The following FHOD3 variants were observed in gnomAD, a reference collection of about 807,000 sequenced individuals.
FHOD3 encodes the protein formin homology 2 domain containing 3.
A neutral mutation model predicts 173.0 loss-of-function variants in FHOD3; 90 were observed. The ratio of observed to expected loss-of-function variants is 0.52; its 90% CI spans 0.44 to 0.62. The LOEUF (loss-of-function observed/expected upper bound fraction) is 0.62. Among genes scored for constraint, FHOD3 ranks in the 20% least tolerant of loss-of-function variants. FHOD3 has a pLI of 0.00. For synonymous variants in FHOD3, 828 were observed against 823.0 expected (o/e 1.01, Z -0.10); for missense variants, 1,945 against 2,034.7 (o/e 0.96, Z 0.85).
chr18:36,331,497 CAG>C (rs902695743), intron 1 of FHOD3, among the ~76,000 whole-genome samples: 1 of 152,152 alleles, frequency 6.6e-6, no homozygotes, highest in Admixed American at 6.5e-5. Context: ...TGGAGCCAGT[CAG>C]GAGTGAGAAA....
chr18:36,653,407 C>T lies in FHOD3; in HGVS notation c.1712C>T (p.Ser571Phe), dbSNP rs1373073384. ...GAGCCTTACCACTTCCGATCTTTCTCTTCTAATAGGTGGGTGTCTTTATTT... is the reference window on the plus strand; with the variant it reads ...GAGCCTTACCACTTCCGATCTTTCTTTTCTAATAGGTGGGTGTCTTTATTT... Reference protein sequence around the residue: ...ASEPYHFRSFSSNRYSNFGNN... With the variant: ...ASEPYHFRSFFSNRYSNFGNN... Residue 571 changes from serine (S) to phenylalanine (F), a missense_variant, in exon 13 of 29, where the codon TCT (serine) becomes TTT (phenylalanine). Physicochemically the swap from Ser to Phe is radical, Grantham distance 155 (BLOSUM62 -2). Coordinates refer to ENST00000590592, the MANE Select transcript of FHOD3 (RefSeq NM_001281740.3). The T allele has an allele frequency of 2.0e-6, 3 of 1,531,450 alleles. No homozygotes were observed. The East Asian group carries it at 7.3e-5, about 37-fold the overall frequency. 94.9% of individuals were successfully genotyped at this position (1,531,450 alleles called of 1,614,324 possible).
intron 23 of FHOD3, among the ~76,000 whole-genome samples, chr18:36,745,273 C>T (rs1221757804): frequency 6.6e-6 from 1 of 152,198 alleles, no homozygotes; most frequent in Non-Finnish European, 1.5e-5. Context: ...TTCTAAGCCT[C>T]ATTGTATCAT....
intron 17 of FHOD3, among the ~76,000 whole-genome samples, chr18:36,705,946 A>AGT (rs2039852026): frequency 8.7e-6 from 1 of 115,478 alleles, no homozygotes; most frequent in African/African-American, 3.6e-5. Flanking sequence ...CTCAGAAGGA[A>AGT]CTGTGTGTGT....
At chr18:36,653,042 C>T in intron 12 of FHOD3, 113 bp downstream of exon 12, 1 of 1,369,646 alleles carries the variant, frequency 7.3e-7, no homozygotes, top group Non-Finnish European at 9.6e-7. Context: ...GATTTCAGCC[C>T]AAGCAGGGAG....
At position 36,587,009 on chromosome 18, in the gene FHOD3, A is replaced by G. The variant is rs115696593; in HGVS notation, c.607-7778A>G. On this transcript the variant is annotated intron_variant, in intron 6 of 28. Transcript: ENST00000590592. ...GCAGTACAGGCTTTATTCGATGGCCATGGAATTGAGAAGTGGAAGCGTGGT... is the reference window on the plus strand; with the variant it reads ...GCAGTACAGGCTTTATTCGATGGCCGTGGAATTGAGAAGTGGAAGCGTGGT... 6.5e-3 allele frequency among the ~76,000 whole-genome samples: 984 copies of G among 152,226 alleles called. 11 individuals are homozygous for G. Among genetic ancestry groups the G allele is most frequent in the African/African-American group, 0.023 (941 of 41,544 alleles).
chr18:36,497,404 G>A (rs551413816), intron 3 of FHOD3, among the ~76,000 whole-genome samples: 3 of 152,236 alleles, frequency 2.0e-5, no homozygotes, highest in Admixed American at 6.5e-5. Flanking sequence ...TTGTGATGTC[G>A]CAGAGGTTAA....
intron 28 of FHOD3, among the ~76,000 whole-genome samples, chr18:36,773,893 G>GC (rs1176043056): frequency 6.6e-6 from 1 of 152,206 alleles, no homozygotes; most frequent in East Asian, 1.9e-4. Flanking sequence ...TGCATTGTCA[G>GC]CATAGCACTT....
intron 3 of FHOD3, among the ~76,000 whole-genome samples, chr18:36,393,975 T>C (rs1284504175): frequency 6.6e-6 from 1 of 152,068 alleles, no homozygotes; most frequent in East Asian, 1.9e-4. Context: ...CTTAGAAGGG[T>C]TTATTTAAAT....
intron 3 of FHOD3, among the ~76,000 whole-genome samples, chr18:36,406,648 G>A (rs73418959): frequency 0.22 from 33,738 of 152,134 alleles, 4,281 homozygotes; most frequent in East Asian, 0.67. Flanking sequence ...GAGATGAGCT[G>A]CCCTTGGGGA....
At chr18:36,743,110 C>T (rs1600513826) in intron 22 of FHOD3, among the ~76,000 whole-genome samples, 1 of 98 alleles carries the variant, frequency 0.01, no homozygotes, top group Admixed American at 0.083. Flanking sequence ...GGAGATCGAG[C>T]CATCCTGGCT....
chr18:36,735,185 C>A (rs570322835), intron 20 of FHOD3, among the ~76,000 whole-genome samples: 3 of 152,212 alleles, frequency 2.0e-5, no homozygotes, highest in Admixed American at 2.0e-4. Flanking sequence ...AACTTGGCTG[C>A]CAGTCCAATC....
At chr18:36,365,614 CTA>C (rs2046861861) in intron 2 of FHOD3, among the ~76,000 whole-genome samples, 2 of 152,178 alleles carry the variant, frequency 1.3e-5, no homozygotes, top group South Asian at 4.2e-4. Flanking sequence ...CTGTATAACT[CTA>C]TGAAGATACT....
At chr18:36,776,417 C>T (rs996808131) in intron 28 of FHOD3, among the ~76,000 whole-genome samples, 2 of 152,140 alleles carry the variant, frequency 1.3e-5, no homozygotes, top group Non-Finnish European at 1.5e-5. Context: ...GGGCTCTTGT[C>T]GCGTGTGACT....
intron 1 of FHOD3, among the ~76,000 whole-genome samples, chr18:36,310,034 CTGT>C (rs772928332): frequency 1.3e-5 from 2 of 152,210 alleles, no homozygotes; most frequent in Non-Finnish European, 2.9e-5. Context: ...CACATGGCTT[CTGT>C]TGTTCCGCCT....
At chr18:36,482,420 C>G (rs974042311) in intron 3 of FHOD3, among the ~76,000 whole-genome samples, 12 of 151,258 alleles carry the variant, frequency 7.9e-5, no homozygotes, top group African/African-American at 2.9e-4. Context: ...TATATGAGGA[C>G]AAGGGGAGAA....
intron 5 of FHOD3, among the ~76,000 whole-genome samples, chr18:36,531,319 G>T (rs1240399676): frequency 6.6e-6 from 1 of 152,234 alleles, no homozygotes; most frequent in East Asian, 1.9e-4. Context: ...ACCCACCCCT[G>T]CTCCCTCCCG....
intron 25 of FHOD3, 147 bp downstream of exon 25, chr18:36,755,458 T>C: frequency 1.7e-6 from 1 of 602,774 alleles, no homozygotes; most frequent in Non-Finnish European, 2.6e-6. Flanking sequence ...TAAAAAGTGC[T>C]CTTAAAGTAC....
At chr18:36,676,813 A>C (rs528284983) in intron 14 of FHOD3, among the ~76,000 whole-genome samples, 20 of 152,266 alleles carry the variant, frequency 1.3e-4, no homozygotes, top group African/African-American at 4.8e-4. Context: ...GGCCATTTAA[A>C]ATGCTCATTA....
At chr18:36,485,143 C>G (rs2054128803) in intron 3 of FHOD3, among the ~76,000 whole-genome samples, 1 of 21,096 alleles carries the variant, frequency 4.7e-5, no homozygotes, top group South Asian at 2.7e-3. Flanking sequence ...GTGAATGTAT[C>G]TTAAGTTCCC....
Sources: gnomAD v4.1 joint callset for allele counts (sites outside exome capture counted in the v4.1 genomes callset) on GRCh38, gnomAD v4.1.1 for gene constraint, MANE v1.5 for transcripts, NCBI Gene and HGNC (gene_info 2026-07-23, HGNC 2026-07-21) for gene names.